PTPRD: variants seen among roughly 807,000 people sequenced by gnomAD.
PTPRD encodes receptor-type tyrosine-protein phosphatase delta.
PTPRD carries 34 observed loss-of-function variants against 214.5 expected under a neutral mutation model. The ratio of observed to expected loss-of-function variants is 0.16; its 90% CI spans 0.12 to 0.21. The LOEUF is 0.21. PTPRD is among the 10% of genes least tolerant of loss of function. The pLI, the probability that PTPRD is intolerant of heterozygous loss-of-function variation, is 1.00. For synonymous variants in PTPRD, 1,128 were observed against 845.7 expected, an observed-to-expected ratio of 1.33 and a Z score of -5.79; for missense variants, 2,545 against 2,398.7, an observed-to-expected ratio of 1.06 and a Z score of -1.27.
intron 7 of PTPRD, among the ~76,000 whole-genome samples, chr9:9,671,471 G>C (rs1254243469): frequency 6.6e-6 from 1 of 152,046 alleles, no homozygotes; most frequent in Non-Finnish European, 1.5e-5. Context: ...CTGTTGGGGA[G>C]GCATAATTGG....
chr9:8,462,066 T>C (rs575414233), intron 32 of PTPRD, among the ~76,000 whole-genome samples: 1 of 152,022 alleles, frequency 6.6e-6, no homozygotes, highest in Non-Finnish European at 1.5e-5. Context: ...TCTTCATTAA[T>C]GTTCCTAAAC....
chr9:9,750,994 C>T (rs1768890), intron 6 of PTPRD, among the ~76,000 whole-genome samples: 18,224 of 152,044 alleles, frequency 0.12, 1,810 homozygotes, highest in African/African-American at 0.27. Context: ...AAATCAAATA[C>T]AGTGCCTAAT....
chr9:10,514,473 C>CT (rs1293794619), intron 2 of PTPRD, among the ~76,000 whole-genome samples: 1 of 151,208 alleles, frequency 6.6e-6, no homozygotes, highest in Admixed American at 6.6e-5. Flanking sequence ...ATAAAATAAA[C>CT]TTTTTTATAA....
At chr9:8,772,136 AAAC>A (rs149909048) in intron 11 of PTPRD, among the ~76,000 whole-genome samples, 7,608 of 151,748 alleles carry the variant, frequency 0.05, 431 homozygotes, top group African/African-American at 0.14. Flanking sequence ...CTTCCTGAAA[AAAC>A]AACAACAACA....
At chr9:10,323,375 A>T (rs1489706933) in intron 3 of PTPRD, among the ~76,000 whole-genome samples, 2 of 149,188 alleles carry the variant, frequency 1.3e-5, no homozygotes, top group Non-Finnish European at 3.0e-5. Flanking sequence ...CCTCACAGCA[A>T]TCTCAGCCTC....
Position 9,567,867 on chromosome 9 carries a change from G to T in PTPRD, c.-237+6865C>A, listed in dbSNP as rs10977847. ...ACATTTGATAGAAGAGATGTGAAAA[G>T]GTATTTGCTGGCAATAGGCAGAAGA... On this transcript the variant is annotated intron_variant, in intron 8 of 45. Transcript: ENST00000381196. 7.3e-4 allele frequency among the ~76,000 whole-genome samples: 111 copies of T among 151,992 alleles called. 1 individual carries two copies. Among genetic ancestry groups the T allele is most frequent in the Admixed American group, 3.3e-3 (50 of 15,214 alleles).
intron 12 of PTPRD, among the ~76,000 whole-genome samples, chr9:8,645,574 C>A (rs1483245015): frequency 1.3e-5 from 2 of 151,936 alleles, no homozygotes; most frequent in East Asian, 1.9e-4. Context: ...GATATCTATG[C>A]CTCTGTATGA....
chr9:9,713,632 T>C (rs1034317557), intron 7 of PTPRD, among the ~76,000 whole-genome samples: 3 of 152,122 alleles, frequency 2.0e-5, no homozygotes, highest in Non-Finnish European at 4.4e-5. Flanking sequence ...AAAGGATGGG[T>C]CGATTTAGAA....
chr9:9,184,095 T>C (rs1290855928), intron 9 of PTPRD, among the ~76,000 whole-genome samples: 1 of 152,162 alleles, frequency 6.6e-6, no homozygotes, highest in East Asian at 1.9e-4. Context: ...TATTAAACTC[T>C]TATTCCTCCT....
chr9:9,019,281 G>GAAGAAAGA lies in PTPRD; in HGVS notation c.-142-554_-142-547dup, dbSNP rs1234982087. On this transcript the variant is annotated intron_variant, in intron 10 of 45. Transcript: ENST00000381196. ...TTATCAAGAAAGAAAGAAAAAGAAA[G>GAAGAAAGA]AAGAAAGAAAGAAAGAAAGAAAGAA... Among the ~76,000 whole-genome samples the GAAGAAAGA allele has an allele frequency of 1.7e-3, 120 of 72,184 alleles. 1 individual carries two copies. Among genetic ancestry groups the GAAGAAAGA allele is most frequent in the Admixed American group, 2.7e-3 (20 of 7,298 alleles). 47.4% of individuals were successfully genotyped at this position (72,184 alleles called of 152,430 possible).
intron 11 of PTPRD, among the ~76,000 whole-genome samples, chr9:8,742,474 G>C (rs984958222): frequency 6.6e-6 from 1 of 152,012 alleles, no homozygotes. Context: ...ATCAAAACAG[G>C]TTTTCTTAAT....
intron 12 of PTPRD, among the ~76,000 whole-genome samples, chr9:8,669,952 T>C (rs1262020140): frequency 6.6e-6 from 1 of 152,076 alleles, no homozygotes; most frequent in Non-Finnish European, 1.5e-5. Context: ...CTCTCTCCTC[T>C]CCTACTTGTG....
At chr9:10,268,104 C>A (rs1009751895) in intron 3 of PTPRD, among the ~76,000 whole-genome samples, 2 of 148,354 alleles carry the variant, frequency 1.3e-5, no homozygotes, top group African/African-American at 4.9e-5. Flanking sequence ...ATAGCAAACC[C>A]CCATCTCCAT....
intron 10 of PTPRD, among the ~76,000 whole-genome samples, chr9:9,147,590 T>A (rs1297464057): frequency 1.3e-5 from 2 of 152,180 alleles, no homozygotes; most frequent in African/African-American, 2.4e-5. Flanking sequence ...TGTCCATGAA[T>A]AAAGCTTTCT....
chr9:9,881,092 G>A (rs2068534231), intron 5 of PTPRD, among the ~76,000 whole-genome samples: 1 of 151,948 alleles, frequency 6.6e-6, no homozygotes, highest in Non-Finnish European at 1.5e-5. Flanking sequence ...GGTATATTCT[G>A]GAAATCCTTG....
chr9:8,555,651 G>C (rs1018978918), intron 14 of PTPRD, among the ~76,000 whole-genome samples: 1 of 152,156 alleles, frequency 6.6e-6, no homozygotes, highest in African/African-American at 2.4e-5. Flanking sequence ...CTCCAAAATG[G>C]GATCTGGTTT....
At chr9:9,784,681 G>A (rs1053259537) in intron 5 of PTPRD, among the ~76,000 whole-genome samples, 2 of 149,474 alleles carry the variant, frequency 1.3e-5, no homozygotes, top group African/African-American at 4.9e-5. Flanking sequence ...GTTCATTAGT[G>A]GAACTGTGCT....
intron 2 of PTPRD, among the ~76,000 whole-genome samples, chr9:10,390,116 AGG>A (rs2098026288): frequency 6.6e-6 from 1 of 151,892 alleles, no homozygotes; most frequent in South Asian, 2.1e-4. Flanking sequence ...GTGTACTGTA[AGG>A]ACACATATAC....
intron 5 of PTPRD, among the ~76,000 whole-genome samples, chr9:9,889,529 A>G (rs554629210): frequency 1.7e-3 from 257 of 152,272 alleles, no homozygotes; most frequent in African/African-American, 5.7e-3. Flanking sequence ...GAGCCCAGAG[A>G]ACACCAAGCC....
Sources: allele counts gnomAD v4.1 joint callset (sites outside exome capture counted in the v4.1 genomes callset), GRCh38; gene constraint gnomAD v4.1.1; transcripts MANE v1.5; gene names NCBI Gene and HGNC (gene_info 2026-07-23, HGNC 2026-07-21).